The following EMCN variants were observed in gnomAD, a reference collection of about 807,000 sequenced individuals.
The protein encoded by EMCN is MUC-14.
A neutral mutation model predicts 38.4 loss-of-function variants in EMCN; 37 were observed. The observed-to-expected ratio is 0.96, with a 90% CI of 0.74 to 1.27. The LOEUF (loss-of-function observed/expected upper bound fraction) is 1.27, where lower values mean the gene tolerates loss of function less well. EMCN is among the 50% of genes most tolerant of loss of function. EMCN has a pLI of 0.00. For missense variants in EMCN, 318 were observed against 302.8 expected (o/e 1.05, Z -0.37); for synonymous variants, 95 against 100.8 (o/e 0.94, Z 0.35).
At chr4:100,411,741 T>A (rs1383977041) in intron 10 of EMCN, among the ~76,000 whole-genome samples, 1 of 152,118 alleles carries the variant, frequency 6.6e-6, no homozygotes, top group Non-Finnish European at 1.5e-5. Context: ...GTTTCAGCCA[T>A]GAAGAAATAT....
chr4:100,421,773 C>A (rs757198693), intron 7 of EMCN, among the ~76,000 whole-genome samples: 9 of 151,974 alleles, frequency 5.9e-5, no homozygotes, highest in Non-Finnish European at 1.0e-4. Flanking sequence ...ACGGGGATTG[C>A]TTTAGTCCTA....
chr4:100,483,174 T>C (rs1728856497), intron 1 of EMCN, among the ~76,000 whole-genome samples: 1 of 152,156 alleles, frequency 6.6e-6, no homozygotes. Context: ...GGTTATCTAA[T>C]TTAAAGACAC....
intron 4 of EMCN, among the ~76,000 whole-genome samples, chr4:100,448,834 C>T (rs71619730): frequency 0.92 from 131,652 of 143,158 alleles, 60,114 homozygotes; most frequent in South Asian, 0.97. Flanking sequence ...CTCCCTCCCT[C>T]CCTCCCTCCC....
chr4:100,497,384 T>G (rs1311223273), intron 1 of EMCN, among the ~76,000 whole-genome samples: 6 of 145,482 alleles, frequency 4.1e-5, no homozygotes, highest in South Asian at 4.3e-4. Flanking sequence ...TGTTTGTTTG[T>G]TTTTTTTTTT....
At chr4:100,447,719 T>G in intron 4 of EMCN, 148 bp from the exon 5 acceptor site, 1 of 618,304 alleles carries the variant, frequency 1.6e-6, no homozygotes, top group Non-Finnish European at 2.8e-6. Context: ...TGATTCTTCA[T>G]GATTACAAGA....
At chr4:100,403,439 C>CA (rs202075691) in intron 11 of EMCN, among the ~76,000 whole-genome samples, 3,933 of 151,974 alleles carry the variant, frequency 0.026, 69 homozygotes, top group Non-Finnish European at 0.041. Context: ...TTATCTAGTC[C>CA]ACCACTGATG....
At chr4:100,461,030 A>G (rs1377068852) in intron 4 of EMCN, among the ~76,000 whole-genome samples, 1 of 152,172 alleles carries the variant, frequency 6.6e-6, no homozygotes, top group Non-Finnish European at 1.5e-5. Context: ...ACCATGGCCT[A>G]TGTAGCCCTG....
At chr4:100,454,080 G>A (rs946538763) in intron 4 of EMCN, among the ~76,000 whole-genome samples, 6 of 151,318 alleles carry the variant, frequency 4.0e-5, no homozygotes, top group Non-Finnish European at 5.9e-5. Context: ...GCTAAATGAC[G>A]AGTTAATGGG....
intron 5 of EMCN, 100 bp downstream of exon 5, chr4:100,447,433 C>G (rs1727705838): frequency 2.5e-6 from 2 of 806,112 alleles, no homozygotes; most frequent in Non-Finnish European, 4.1e-6. Flanking sequence ...TTCCCTTGTG[C>G]TATTTCTCCC....
chr4:100,422,957 T>C, intron 7 of EMCN, 64 bp downstream of exon 7: 4 of 1,503,354 alleles, frequency 2.7e-6, no homozygotes, highest in South Asian at 1.1e-5. Context: ...TCCTCTCCTT[T>C]ACTGGTCACA....
chr4:100,444,941 A>C (rs1046420803), intron 5 of EMCN, among the ~76,000 whole-genome samples: 1 of 152,136 alleles, frequency 6.6e-6, no homozygotes, highest in Admixed American at 6.5e-5. Flanking sequence ...CAAAGACTGC[A>C]TGTATCTGTG....
chr4:100,444,253 T>A (rs1204672313), intron 5 of EMCN, among the ~76,000 whole-genome samples: 8 of 152,326 alleles, frequency 5.3e-5, no homozygotes, highest in Non-Finnish European at 1.0e-4. Context: ...GCCACATCTG[T>A]CTGGCCCCAG....
intron 11 of EMCN, among the ~76,000 whole-genome samples, chr4:100,400,877 C>A (rs1177049165): frequency 6.6e-6 from 1 of 151,976 alleles, no homozygotes; most frequent in Non-Finnish European, 1.5e-5. Context: ...CAATATCAGT[C>A]TTTGCTTTTT....
At chr4:100,466,272 T>C (rs1728313694) in intron 3 of EMCN, among the ~76,000 whole-genome samples, 1 of 152,228 alleles carries the variant, frequency 6.6e-6, no homozygotes, top group Admixed American at 6.5e-5. Context: ...ACATGCCATT[T>C]ACTGCATGCT....
At chr4:100,479,267 A>T (rs1325015194) in intron 2 of EMCN, among the ~76,000 whole-genome samples, 1 of 138,596 alleles carries the variant, frequency 7.2e-6, no homozygotes. Context: ...CAATCCACAA[A>T]TCTGTTTTCC....
At chr4:100,487,493 A>C (rs543890760) in intron 1 of EMCN, among the ~76,000 whole-genome samples, 196 of 152,254 alleles carry the variant, frequency 1.3e-3, no homozygotes, top group African/African-American at 4.6e-3. Flanking sequence ...TCTTGAATTA[A>C]ATCTTCGGCT....
chr4:100,447,657 G>T (rs1727715484), intron 4 of EMCN, 86 bp from the exon 5 acceptor site: 2 of 796,560 alleles, frequency 2.5e-6, no homozygotes, highest in Non-Finnish European at 4.1e-6. Context: ...GGTGGTAAAT[G>T]AGTATGAATT....
intron 1 of EMCN, among the ~76,000 whole-genome samples, chr4:100,489,787 C>T (rs1483091651): frequency 6.6e-6 from 1 of 152,096 alleles, no homozygotes; most frequent in Non-Finnish European, 1.5e-5. Context: ...ATACGGAAGA[C>T]CAGCTTTTCA....
chr4:100,422,004 GCCTT>G (rs560297457), intron 7 of EMCN, among the ~76,000 whole-genome samples: 27 of 151,494 alleles, frequency 1.8e-4, no homozygotes, highest in East Asian at 5.8e-4. Context: ...AGTATTGCCT[GCCTT>G]CCTTCCTTCC....
Sources: allele counts gnomAD v4.1 joint callset (sites outside exome capture counted in the v4.1 genomes callset), GRCh38; gene constraint gnomAD v4.1.1; transcripts MANE v1.5; gene names NCBI Gene and HGNC (gene_info 2026-07-23, HGNC 2026-07-21).